The following ST3GAL5 variants were observed in gnomAD, a reference collection of about 807,000 sequenced individuals.
ST3GAL5 encodes ST3 beta-galactoside alpha-2,3-sialyltransferase 5.
ST3GAL5 carries 25 observed loss-of-function variants against 46.1 expected under a neutral mutation model. The observed-to-expected ratio is 0.54, with a 90% CI of 0.40 to 0.76. The LOEUF (loss-of-function observed/expected upper bound fraction) is 0.76. ST3GAL5 is among the 30% of genes least tolerant of loss of function. The pLI is 0.00. For synonymous variants in ST3GAL5, 182 were observed against 192.7 expected, an observed-to-expected ratio of 0.94 and a Z score of 0.46; for missense variants, 431 against 521.2, an observed-to-expected ratio of 0.83 and a Z score of 1.69.
chr2:85,846,751 T>G (rs1230306986), intron 4 of ST3GAL5, 188 bp from the exon 5 acceptor site: 2 of 604,318 alleles, frequency 3.3e-6, no homozygotes, highest in African/African-American at 3.7e-5. Context: ...CTTTAGTACT[T>G]GAGCGAACAC....
intron 4 of ST3GAL5, chr2:85,847,385 AG>A: frequency 2.0e-6 from 2 of 997,682 alleles, no homozygotes; most frequent in Non-Finnish European, 2.4e-6. Flanking sequence ...CACTTACTGT[AG>A]CCAGCAGCAT....
At chr2:85,875,843 CTT>C (rs1185490010) in intron 1 of ST3GAL5, among the ~76,000 whole-genome samples, 2 of 152,108 alleles carry the variant, frequency 1.3e-5, no homozygotes, top group East Asian at 3.9e-4. Context: ...AGGAACTCCT[CTT>C]TGCGAATTCT....
chr2:85,877,698 T>C (rs1686733824), intron 1 of ST3GAL5, among the ~76,000 whole-genome samples: 1 of 152,216 alleles, frequency 6.6e-6, no homozygotes. Context: ...CAAATCTACT[T>C]GTTTCAGTAT....
Position 85,840,002 on chromosome 2 carries a change from A to C in ST3GAL5, c.*142T>G, listed in dbSNP as rs941647501. 3 of 1,351,366 alleles carry C rather than the reference A, an allele frequency of 2.2e-6. No homozygotes were observed. Among genetic ancestry groups the C allele is most frequent in the Admixed American group, 2.3e-5 (1 of 43,478 alleles). The allele number at this position is 1,351,366 out of a possible 1,614,324, so 83.7% of individuals were successfully genotyped here. On this transcript the variant is annotated 3_prime_UTR_variant, in exon 7 of 7. Coordinates refer to ENST00000638572, the MANE Select transcript of ST3GAL5 (RefSeq NM_003896.4). The stretch of plus-strand genomic sequence containing the variant: ...GGAAAAAAAAAGTGGGAAGAGCTAA[A>C]ATTTTTTTTGTGTTTTTAAATTAAA...
chr2:85,848,274 C>CCT, intron 3 of ST3GAL5, 70 bp from the exon 4 acceptor site: 1 of 1,612,560 alleles, frequency 6.2e-7, no homozygotes. Context: ...TTCTAGATGA[C>CCT]AATTTGTCCT....
At position 85,837,293 on chromosome 2, in the gene ST3GAL5, T is replaced by C. The variant is rs1190502611; in HGVS notation, c.*2851A>G. The C allele has an allele frequency of 6.6e-6, 1 of 152,218 alleles. No homozygotes were observed. The highest frequency in any genetic ancestry group is 2.4e-5 in the African/African-American group (1 of 41,444). 9.4% of individuals were successfully genotyped at this position (152,218 alleles called of 1,614,324 possible). On this transcript the variant is annotated 3_prime_UTR_variant, in exon 7 of 7. Coordinates refer to ENST00000638572, the MANE Select transcript of ST3GAL5 (RefSeq NM_003896.4). ...TGAAATCATGTTATCTGCAGCAAGA[T>C]GGATGGAACTGGAGGTGATGTTAAG... is the stretch of plus-strand genomic sequence containing the variant.
chr2:85,840,494 T>G (rs1471920065), intron 6 of ST3GAL5, 102 bp from the exon 7 acceptor site: 3 of 1,279,542 alleles, frequency 2.3e-6, no homozygotes, highest in South Asian at 2.5e-5. Flanking sequence ...AAAGCTACAT[T>G]GGGGGCTGCA....
At position 85,838,401 on chromosome 2, in the gene ST3GAL5, G is replaced by C. The variant is rs1459298023; in HGVS notation, c.*1743C>G. The C allele has an allele frequency of 6.6e-6, 1 of 152,196 alleles. No individual in the cohort carries two copies. Among genetic ancestry groups the C allele is most frequent in the Admixed American group, 6.5e-5 (1 of 15,274 alleles). The allele number at this position is 152,196 out of a possible 1,614,324, so 9.4% of individuals were successfully genotyped here. On this transcript the variant is annotated 3_prime_UTR_variant, in exon 7 of 7. Transcript: ENST00000638572. ...CTCCAATAACCCCCTGAGGGATGTA[G>C]GGGTGGAGCTGTGTGGTGTAAGCCC...
In ST3GAL5 at chr2:85,861,009, G is replaced by A. The variant is rs912564158; in HGVS notation, c.318+172C>T. ...GGATACTGTGGAGTAGTTAGTGGTG[G>A]GTTTTTAGAAGAAGGTTGTCTTTGG... On this transcript the variant is annotated intron_variant, in intron 3 of 6. Coordinates refer to ENST00000638572, the MANE Select transcript of ST3GAL5 (RefSeq NM_003896.4). 3.4e-5 allele frequency: 21 copies of A among 622,532 alleles called. No homozygotes were observed. In the African/African-American group the frequency reaches 3.6e-4, roughly 11 times the overall value. 38.6% of individuals were successfully genotyped at this position (622,532 alleles called of 1,614,324 possible).
intron 1 of ST3GAL5, 175 bp downstream of exon 1, chr2:85,888,649 C>G: frequency 2.6e-6 from 1 of 380,312 alleles, no homozygotes; most frequent in Non-Finnish European, 4.2e-6. Flanking sequence ...CCCGGGACCA[C>G]GACCCTCCGC....
chr2:85,839,550 C>T lies in ST3GAL5; in HGVS notation c.*594G>A, dbSNP rs116456890. On this transcript the variant is annotated 3_prime_UTR_variant, in exon 7 of 7. Coordinates refer to ENST00000638572, the MANE Select transcript of ST3GAL5 (RefSeq NM_003896.4). ...ATGTCCCTCTCCGACCAGGGACCTC[C>T]AGGACAGCTTCCCTGGTTGGTTCTC... 4.9e-3 allele frequency: 774 copies of T among 158,302 alleles called. 3 individuals are homozygous for T. The highest frequency in any genetic ancestry group is 9.5e-3 in the Admixed American group (158 of 16,616). The allele number at this position is 158,302 out of a possible 1,614,324, so 9.8% of individuals were successfully genotyped here. A position where few individuals can be genotyped will look rare whatever the true frequency, so the allele number is the denominator to read the frequency against.
At chr2:85,857,290 A>C (rs1034232167) in intron 3 of ST3GAL5, among the ~76,000 whole-genome samples, 3 of 151,816 alleles carry the variant, frequency 2.0e-5, no homozygotes, top group African/African-American at 7.3e-5. Flanking sequence ...TCATCCTAGC[A>C]CTTTGGGAGG....
intron 3 of ST3GAL5, chr2:85,848,510 T>C (rs1683098670): frequency 2.3e-6 from 2 of 862,590 alleles, no homozygotes; most frequent in Admixed American, 2.8e-5. Flanking sequence ...GGTGAAAATG[T>C]ACTTCGGGGT....
At position 85,840,033 on chromosome 2, in the gene ST3GAL5, A is replaced by G; in HGVS notation, c.*111T>C. On this transcript the variant is annotated 3_prime_UTR_variant, in exon 7 of 7. Coordinates refer to ENST00000638572, the MANE Select transcript of ST3GAL5 (RefSeq NM_003896.4). ...TTTTGTGTTTTTAAATTAAAAGTTA[A>G]AAACATGAGCTGCACTTCAAAGTAT... 2 of 1,520,852 alleles carry G rather than the reference A, an allele frequency of 1.3e-6. No homozygotes were observed. Among genetic ancestry groups the G allele is most frequent in the East Asian group, 2.3e-5 (1 of 43,578 alleles). 94.2% of individuals were successfully genotyped at this position (1,520,852 alleles called of 1,614,324 possible).
intron 3 of ST3GAL5, among the ~76,000 whole-genome samples, chr2:85,857,040 G>C (rs1213757780): frequency 3.0e-5 from 4 of 131,932 alleles, no homozygotes; most frequent in Non-Finnish European, 6.2e-5. Flanking sequence ...ACTAGCCTGG[G>C]AAACACGGTA....
chr2:85,842,536 A>G (rs1404045266), intron 6 of ST3GAL5, among the ~76,000 whole-genome samples: 1 of 152,222 alleles, frequency 6.6e-6, no homozygotes, highest in Non-Finnish European at 1.5e-5. Flanking sequence ...GCAACTTTAG[A>G]TCAGAAGTCC....
At chr2:85,868,873 C>A (rs2104126791) in intron 1 of ST3GAL5, among the ~76,000 whole-genome samples, 1 of 152,278 alleles carries the variant, frequency 6.6e-6, no homozygotes, top group South Asian at 2.1e-4. Flanking sequence ...CCCGTCTCAG[C>A]CTCCCGAAGT....
chr2:85,853,216 G>T, intron 3 of ST3GAL5: 1 of 532,554 alleles, frequency 1.9e-6, no homozygotes, highest in Non-Finnish European at 3.1e-6. Flanking sequence ...TTTCACATCT[G>T]AACCACACTT....
intron 4 of ST3GAL5, chr2:85,846,899 T>C (rs554072054): frequency 4.3e-6 from 1 of 231,560 alleles, no homozygotes; most frequent in East Asian, 1.0e-4. Flanking sequence ...CAGATGTTAG[T>C]TCTTGCCAGA....
Sources: gnomAD v4.1 joint callset for allele counts (sites outside exome capture counted in the v4.1 genomes callset) on GRCh38, gnomAD v4.1.1 for gene constraint, MANE v1.5 for transcripts, NCBI Gene and HGNC (gene_info 2026-07-23, HGNC 2026-07-21) for gene names.